NPEPL1: variants seen among roughly 807,000 people sequenced by gnomAD.
NPEPL1 encodes the protein probable aminopeptidase NPEPL1.
A neutral mutation model predicts 52.4 loss-of-function variants in NPEPL1; 45 were observed. The ratio of observed to expected loss-of-function variants is 0.86; its 90% CI spans 0.68 to 1.10. The LOEUF (loss-of-function observed/expected upper bound fraction) is 1.10. NPEPL1 is among the 50% of genes least tolerant of loss of function. NPEPL1 has a pLI of 0.00. For missense variants in NPEPL1, 696 were observed against 710.9 expected (o/e 0.98, Z 0.24); for synonymous variants, 360 against 314.7 (o/e 1.14, Z -1.52).
Position 58,701,032 on chromosome 20 carries a change from C to A in NPEPL1, c.696C>A (p.Gly232=). 1.3e-6 allele frequency: 2 copies of A among 1,591,258 alleles called. No individual in the cohort carries two copies. The highest frequency in any genetic ancestry group is 1.7e-6 in the Non-Finnish European group (2 of 1,169,658). ...TRGFGGIYGV[G]KAALHPPALA... The stretch of plus-strand genomic sequence containing the variant: ...TTTCCATAGGAATCTATGGGGTTGG[C>A]AAAGCCGCCCTGCATCCCCCAGCCC... Residue 232 remains glycine (G), a synonymous_variant, in exon 6 of 12, where the codon GGC becomes GGA. Transcript: ENST00000356091.
chr20:58,689,808 C>T (rs548091207), upstream of NPEPL1, among the ~76,000 whole-genome samples: 12 of 142,612 alleles, frequency 8.4e-5, no homozygotes, highest in Non-Finnish European at 1.5e-4. Flanking sequence ...CACACATATG[C>T]GTGCACATGC....
intron 7 of NPEPL1, among the ~76,000 whole-genome samples, chr20:58,710,048 T>C: frequency 6.8e-6 from 1 of 146,512 alleles, no homozygotes. Context: ...TTTTTTTTTT[T>C]TTTTCCCCGA....
rs2123109073 is a variant in NPEPL1, at chr20:58,701,140, C to T, written c.804C>T (p.Gly268=). The change falls in exon 6 of 12, where the codon GGC becomes GGT. Residue 268 remains glycine, a synonymous_variant. Transcript: ENST00000356091. ...VGKGIVYDTG[G]LSIKGKTTMP... is the part of the protein sequence containing the mutation. ...AAGGCATCGTCTATGACACTGGAGGCCTCAGCATCAAAGGGAAGGTGAGGT... is the reference window on the plus strand; with the variant it reads ...AAGGCATCGTCTATGACACTGGAGGTCTCAGCATCAAAGGGAAGGTGAGGT... The T allele has an allele frequency of 6.4e-7, 1 of 1,573,712 alleles. No individual in the cohort carries two copies. The highest frequency in any genetic ancestry group is 8.6e-7 in the Non-Finnish European group (1 of 1,160,914).
intron 5 of NPEPL1, among the ~76,000 whole-genome samples, chr20:58,699,711 A>G (rs1356906612): frequency 6.6e-6 from 1 of 152,070 alleles, no homozygotes; most frequent in Non-Finnish European, 1.5e-5. Context: ...ATCTCAACCA[A>G]TGCCCCCTCC....
At chr20:58,699,431 C>T (rs548417738) in intron 5 of NPEPL1, among the ~76,000 whole-genome samples, 153 bp downstream of exon 5, 2 of 152,300 alleles carry the variant, frequency 1.3e-5, no homozygotes, top group South Asian at 2.1e-4. Flanking sequence ...AGCCCAGTGC[C>T]GGACCCTGGG....
chr20:58,694,639 C>G (rs369031753), intron 3 of NPEPL1, 47 bp downstream of exon 3: 3 of 1,545,622 alleles, frequency 1.9e-6, no homozygotes, highest in East Asian at 2.4e-5. Flanking sequence ...CGGGCAAGAT[C>G]GGGCAGGTGG....
In NPEPL1 at chr20:58,715,186, T is replaced by C. The variant is rs773520565; in HGVS notation, c.1432T>C (p.Phe478Leu). The stretch of plus-strand genomic sequence containing the variant: ...CTTGCAGGGTGAGCGAGCCACAGGC[T>C]TCGGTGTGGCCCTCCTGCTGGCGCT... ...PVHAGERATG[F>L]GVALLLALFG... is the part of the protein sequence containing the mutation. Residue 478 changes from phenylalanine to leucine, a missense_variant, in exon 12 of 12, where the codon TTC (phenylalanine) becomes CTC (leucine). By Grantham distance (22) the Phe-to-Leu change is conservative. Transcript: ENST00000356091. The C allele has an allele frequency of 6.2e-7, 1 of 1,606,756 alleles. No individual in the cohort carries two copies. The highest frequency in any genetic ancestry group is 1.1e-5 in the South Asian group (1 of 89,956).
At chr20:58,714,217 C>G in intron 10 of NPEPL1, 124 bp downstream of exon 10, 1 of 1,116,482 alleles carries the variant, frequency 9.0e-7, no homozygotes, top group Non-Finnish European at 1.2e-6. Context: ...ACAGTGCAGA[C>G]GAGGGCTTGA....
Position 58,713,889 on chromosome 20 carries a change from C to G in NPEPL1, c.1126-28C>G. On this transcript the variant is annotated intron_variant, in intron 9 of 11. Transcript: ENST00000356091. This position sits in a 1 kb window ranked among gnomAD's most constrained non-coding sequence, Gnocchi z 4.6. The stretch of plus-strand genomic sequence containing the variant: ...TGTTTCTCTCCTGCCGTCCCGTCCA[C>G]ACGCTTCCCGGGTTCCTGCCCGCCC... 6.9e-7 allele frequency: 1 copy of G among 1,441,666 alleles called. No individual in the cohort carries two copies. The highest frequency in any genetic ancestry group is 9.1e-7 in the Non-Finnish European group (1 of 1,100,732). 89.3% of individuals were successfully genotyped at this position (1,441,666 alleles called of 1,614,324 possible). A position where few individuals can be genotyped will look rare whatever the true frequency, so the allele number is the denominator to read the frequency against.
At chr20:58,692,139 G>A (rs2084361429), upstream of NPEPL1, 1 of 404,214 alleles carries the variant, frequency 2.5e-6, no homozygotes, top group Non-Finnish European at 4.5e-6. The surrounding 1 kb of genome is among the most constrained non-coding windows in gnomAD (Gnocchi z 5.7). Flanking sequence ...CCCCCATGCA[G>A]CCAGGCAGTG....
In NPEPL1 at chr20:58,693,021, G is replaced by T; in HGVS notation, c.121G>T (p.Gly41Trp). Residue 41 changes from glycine (G) to tryptophan (W), a missense_variant, in exon 1 of 12, where the codon GGG becomes TGG. Physicochemically the swap from Gly to Trp is radical, Grantham distance 184 (BLOSUM62 -2). Coordinates refer to ENST00000356091, the MANE Select transcript of NPEPL1 (RefSeq NM_024663.4). ...LHRVPWSHVR[G>W]KLQPRVTEEL... The stretch of plus-strand genomic sequence containing the variant: ...CCGCGTGCCCTGGAGCCACGTCCGC[G>T]GGAAGCTGCAGCCCCGGGTCACCGA... 1 of 1,089,652 alleles carries T rather than the reference G, an allele frequency of 9.2e-7. No individual in the cohort carries two copies. Among genetic ancestry groups the T allele is most frequent in the Non-Finnish European group, 1.1e-6 (1 of 889,622 alleles). 67.5% of individuals were successfully genotyped at this position (1,089,652 alleles called of 1,614,324 possible).
intron 5 of NPEPL1, among the ~76,000 whole-genome samples, chr20:58,700,806 T>C (rs915601630): frequency 2.6e-5 from 4 of 152,220 alleles, no homozygotes; most frequent in African/African-American, 7.2e-5. Context: ...ACACTTTGCA[T>C]AGAATTTGTT....
At chr20:58,693,606 C>T (rs1391055536) in intron 1 of NPEPL1, 131 bp from the exon 2 acceptor site, 2 of 740,676 alleles carry the variant, frequency 2.7e-6, no homozygotes, top group Non-Finnish European at 4.4e-6. Flanking sequence ...GATGGGAAAA[C>T]GGTGGCCGGG....
intron 6 of NPEPL1, chr20:58,704,287 G>C (rs2123121049): frequency 1.0e-6 from 1 of 971,432 alleles, no homozygotes; most frequent in African/African-American, 1.8e-5. Context: ...AGTTTTGCAA[G>C]AAAAAAAAAA....
At chr20:58,693,579 C>G (rs1488924978) in intron 1 of NPEPL1, 158 bp from the exon 2 acceptor site, 1 of 614,934 alleles carries the variant, frequency 1.6e-6, no homozygotes, top group East Asian at 3.0e-5. Flanking sequence ...TGCAGAGAGG[C>G]GACACATCTC....
intron 7 of NPEPL1, among the ~76,000 whole-genome samples, chr20:58,708,494 G>A (rs565575918): frequency 2.0e-5 from 3 of 151,962 alleles, no homozygotes; most frequent in Admixed American, 2.0e-4. Context: ...GCACACAGCT[G>A]GGGCTGTACG....
intron 2 of NPEPL1, 81 bp from the exon 3 acceptor site, chr20:58,694,341 C>A: frequency 7.1e-7 from 1 of 1,407,244 alleles, no homozygotes; most frequent in Non-Finnish European, 9.6e-7. Flanking sequence ...GCTGATGTTC[C>A]GGAGGCGTTC....
At chr20:58,711,077 C>G (rs1193145751) in intron 7 of NPEPL1, 1 of 63,736 alleles carries the variant, frequency 1.6e-5, no homozygotes, top group African/African-American at 2.2e-4. Context: ...CCTCCCTCCT[C>G]CCCCCCCGCC....
At chr20:58,699,314 C>T (rs780704235) in intron 5 of NPEPL1, 36 bp downstream of exon 5, 41 of 1,541,988 alleles carry the variant, frequency 2.7e-5, no homozygotes, top group East Asian at 9.3e-5. Flanking sequence ...CTCTTGGCCT[C>T]GGGCAGTGGC....
Sources: allele counts gnomAD v4.1 joint callset (sites outside exome capture counted in the v4.1 genomes callset), GRCh38; gene constraint gnomAD v4.1.1; non-coding constraint Gnocchi (gnomAD v3.1); transcripts MANE v1.5; gene names NCBI Gene and HGNC (gene_info 2026-07-23, HGNC 2026-07-21).